Variants in RFC1 observed in about 807,000 individuals in gnomAD.
RFC1 encodes the protein replication factor C subunit 1, also known as A1 140 kDa subunit.
A neutral mutation model predicts 137.4 loss-of-function variants in RFC1; 37 were observed. That is an observed-to-expected ratio of 0.27 (90% CI 0.21 to 0.35). RFC1 has a LOEUF of 0.35. Ranked by LOEUF, RFC1 falls within the 10% of genes least tolerant of loss-of-function variation. The pLI, the probability that RFC1 is intolerant of heterozygous loss-of-function variation, is 1.00. For missense variants in RFC1, 1,205 were observed against 1,358.5 expected (o/e 0.89, Z 1.78); for synonymous variants, 429 against 455.7 (o/e 0.94, Z 0.75).
At chr4:39,303,350 T>C (rs1205871557) in intron 15 of RFC1, among the ~76,000 whole-genome samples, 199 bp from the exon 16 acceptor site, 1 of 151,720 alleles carries the variant, frequency 6.6e-6, no homozygotes, top group East Asian at 1.9e-4. Flanking sequence ...CTGCCACCCC[T>C]TCCCCTGCAG....
chr4:39,317,116 G>C lies in RFC1; in HGVS notation c.1096-94C>G. ...TAGAAATAAACATTATTTTTATTGTGTCACTTCTGTGTCTGGCTGTGAAAT... is the reference window on the plus strand; with the variant it reads ...TAGAAATAAACATTATTTTTATTGTCTCACTTCTGTGTCTGGCTGTGAAAT... On this transcript the variant is annotated intron_variant, in intron 9 of 24. Transcript: ENST00000349703. 3 of 729,598 alleles carry C rather than the reference G, an allele frequency of 4.1e-6. No homozygotes were observed. The South Asian group carries it at 5.2e-5, about 13-fold the overall frequency. The allele number at this position is 729,598 out of a possible 1,614,324, so 45.2% of individuals were successfully genotyped here. A position where few individuals can be genotyped will look rare whatever the true frequency, so the allele number is the denominator to read the frequency against.
At chr4:39,329,054 C>T (rs1289378735) in intron 4 of RFC1, among the ~76,000 whole-genome samples, 2 of 127,484 alleles carry the variant, frequency 1.6e-5, no homozygotes, top group African/African-American at 6.0e-5. Flanking sequence ...TTCATGACAA[C>T]GTTTAGATAA....
chr4:39,290,089 T>C (rs1290218065), intron 23 of RFC1, 50 bp from the exon 24 acceptor site: 1 of 1,392,650 alleles, frequency 7.2e-7, no homozygotes. Context: ...TCCCAAACAA[T>C]TCTTTTAAAC....
At chr4:39,315,880 A>G (rs1466266621) in intron 10 of RFC1, among the ~76,000 whole-genome samples, 3 of 152,178 alleles carry the variant, frequency 2.0e-5, no homozygotes, top group South Asian at 2.1e-4. Context: ...TTGGTACATC[A>G]GCAGCCAGAG....
chr4:39,343,442 T>C (rs1740699781), intron 3 of RFC1, among the ~76,000 whole-genome samples: 1 of 152,234 alleles, frequency 6.6e-6, no homozygotes, highest in South Asian at 2.1e-4. Context: ...TGTGGATATC[T>C]TTTGGGGGCA....
intron 3 of RFC1, among the ~76,000 whole-genome samples, chr4:39,344,008 G>C (rs1740729590): frequency 6.6e-6 from 1 of 151,956 alleles, no homozygotes; most frequent in African/African-American, 2.4e-5. Flanking sequence ...CAGCTACCTG[G>C]GAGGCTGAGG....
At chr4:39,303,701 G>A (rs1400760920) in intron 15 of RFC1, among the ~76,000 whole-genome samples, 4 of 152,190 alleles carry the variant, frequency 2.6e-5, no homozygotes, top group East Asian at 1.9e-4. Context: ...TGATCTGTCC[G>A]CCTCAGCCTC....
intron 10 of RFC1, among the ~76,000 whole-genome samples, chr4:39,313,473 G>C (rs1233343061): frequency 6.6e-6 from 1 of 152,144 alleles, no homozygotes; most frequent in Admixed American, 6.5e-5. Flanking sequence ...CCACATTAGT[G>C]ATCAGAAATG....
chr4:39,354,954 C>T (rs1221497055), intron 1 of RFC1, among the ~76,000 whole-genome samples: 3 of 151,374 alleles, frequency 2.0e-5, no homozygotes, highest in Non-Finnish European at 4.4e-5. Context: ...TGGTGGTGCA[C>T]ACCTGTAATC....
At chr4:39,365,311 C>G (rs893934449) in intron 1 of RFC1, among the ~76,000 whole-genome samples, 14 of 71,634 alleles carry the variant, frequency 2.0e-4, no homozygotes, top group Middle Eastern at 9.1e-3. Flanking sequence ...ATAAAATTTT[C>G]ACCGCCCCCC....
At chr4:39,348,424 A>AAAAAGAAAAGAAAAG (rs201554512) in intron 2 of RFC1, among the ~76,000 whole-genome samples, 840 of 71,794 alleles carry the variant, frequency 0.012, 90 homozygotes, top group African/African-American at 0.035. Flanking sequence ...CTCTGTTTCA[A>AAAAAGAAAAGAAAAG]AAAAGAAAAG....
chr4:39,330,237 T>G (rs2109696992), intron 4 of RFC1, among the ~76,000 whole-genome samples: 1 of 152,232 alleles, frequency 6.6e-6, no homozygotes, highest in South Asian at 2.1e-4. Context: ...GTGGCTGCCA[T>G]TTCAAACATG....
At chr4:39,303,183 C>A in intron 15 of RFC1, 32 bp from the exon 16 acceptor site, 3 of 1,438,836 alleles carry the variant, frequency 2.1e-6, no homozygotes, top group Non-Finnish European at 2.9e-6. Flanking sequence ...TGGGATGAGA[C>A]AAAAACAAAA....
intron 22 of RFC1, among the ~76,000 whole-genome samples, chr4:39,294,526 C>G (rs1224778188): frequency 6.6e-6 from 1 of 151,808 alleles, no homozygotes; most frequent in African/African-American, 2.4e-5. Flanking sequence ...CAAAAATTAG[C>G]CAGGTGTGGT....
chr4:39,352,715 T>C (rs766504373), intron 1 of RFC1, among the ~76,000 whole-genome samples: 1 of 152,178 alleles, frequency 6.6e-6, no homozygotes, highest in Non-Finnish European at 1.5e-5. Flanking sequence ...TTCATATTAC[T>C]GAAACACTCT....
At chr4:39,351,059 G>A (rs1190503410) in intron 2 of RFC1, among the ~76,000 whole-genome samples, 1 of 151,820 alleles carries the variant, frequency 6.6e-6, no homozygotes, top group African/African-American at 2.4e-5. Flanking sequence ...GACCATCCTG[G>A]CTAACACGGT....
chr4:39,335,675 C>A (rs1411841491), intron 4 of RFC1, among the ~76,000 whole-genome samples: 1 of 151,970 alleles, frequency 6.6e-6, no homozygotes, highest in Non-Finnish European at 1.5e-5. Context: ...AGGTACATTA[C>A]CCAAAGCTTC....
chr4:39,351,335 C>G lies in RFC1; in HGVS notation c.132+13G>C. 1 of 1,482,880 alleles carries G rather than the reference C, an allele frequency of 6.7e-7. No homozygotes were observed. Among genetic ancestry groups the G allele is most frequent in the Non-Finnish European group, 8.9e-7 (1 of 1,118,544 alleles). 91.9% of individuals were successfully genotyped at this position (1,482,880 alleles called of 1,614,324 possible). A position where few individuals can be genotyped will look rare whatever the true frequency, so the allele number is the denominator to read the frequency against. On this transcript the variant is annotated intron_variant, in intron 2 of 24. Transcript: ENST00000349703. ...CATTTCATTCAATGCAAAATTATAC[C>G]CAGAAAACTAACCTTGATTTCCTTT...
At chr4:39,313,694 A>C (rs969164913) in intron 10 of RFC1, among the ~76,000 whole-genome samples, 9 of 125,922 alleles carry the variant, frequency 7.1e-5, no homozygotes, top group African/African-American at 2.3e-4. Context: ...ATGGGAAAAA[A>C]GGGAAAAAAG....
Sources: gnomAD v4.1 joint callset for allele counts (sites outside exome capture counted in the v4.1 genomes callset) on GRCh38, gnomAD v4.1.1 for gene constraint, MANE v1.5 for transcripts, NCBI Gene and HGNC (gene_info 2026-07-23, HGNC 2026-07-21) for gene names.